Variants in SLC13A4 observed in about 807,000 individuals in gnomAD.
The protein encoded by SLC13A4 is solute carrier family 13 member 4.
SLC13A4 carries 28 observed loss-of-function variants against 72.7 expected under a neutral mutation model. The observed-to-expected ratio is 0.39, with a 90% confidence interval of 0.29 to 0.53. The LOEUF is 0.53. SLC13A4 is among the 20% of genes least tolerant of loss of function. The probability of loss-of-function intolerance (pLI) is 0.78; values close to 1 mark genes in which losing one functional copy is unlikely to be tolerated. For synonymous variants in SLC13A4, 312 were observed against 325.5 expected (o/e 0.96, Z 0.45); for missense variants, 653 against 788.0 (o/e 0.83, Z 2.05).
intron 8 of SLC13A4, among the ~76,000 whole-genome samples, chr7:135,696,370 A>G (rs748015935): frequency 1.3e-5 from 2 of 151,052 alleles, no homozygotes; most frequent in Admixed American, 1.3e-4. Context: ...TTTTTTTGAG[A>G]CGGAGTCTTG....
intron 7 of SLC13A4, 89 bp downstream of exon 7, chr7:135,701,591 T>G: frequency 7.6e-7 from 1 of 1,313,686 alleles, no homozygotes. Context: ...ACTAGCCTGA[T>G]TCCCTTACGA....
intron 2 of SLC13A4, among the ~76,000 whole-genome samples, chr7:135,715,465 ATGAG>A (rs1027558426): frequency 3.5e-5 from 5 of 144,858 alleles, no homozygotes; most frequent in African/African-American, 1.1e-4. Context: ...ATTAGTGCAT[ATGAG>A]TGTGTGTATG....
rs541801501 is a variant in SLC13A4 at position 135,699,630 on chromosome 7, A to G, written c.715-82T>C. The G allele has an allele frequency of 2.8e-5, 37 of 1,301,526 alleles. No individual in the cohort carries two copies. The East Asian group carries it at 9.1e-4, about 32-fold the overall frequency. The allele number at this position is 1,301,526 out of a possible 1,614,324, so 80.6% of individuals were successfully genotyped here. On this transcript the variant is annotated intron_variant, in intron 7 of 15. Coordinates refer to ENST00000682651, the MANE Select transcript of SLC13A4 (RefSeq NM_001318192.2). ...CATGAGAGGCAGGAGGCACCATGGTACAGCGGAAAGGGTTTGAGCTTGGGT... is the reference window on the plus strand; with the variant it reads ...CATGAGAGGCAGGAGGCACCATGGTGCAGCGGAAAGGGTTTGAGCTTGGGT...
chr7:135,718,070 T>TACAC (rs148088162), intron 2 of SLC13A4, among the ~76,000 whole-genome samples: 5,642 of 102,414 alleles, frequency 0.055, 384 homozygotes, highest in African/African-American at 0.19. Context: ...AGCCAATTCC[T>TACAC]ACACACACAC....
At position 135,684,243 on chromosome 7, in the gene SLC13A4, T is replaced by A; in HGVS notation, c.1627A>T (p.Asn543Tyr). 3 of 1,608,758 alleles carry A rather than the reference T, an allele frequency of 1.9e-6. No individual in the cohort carries two copies. The highest frequency in any genetic ancestry group is 2.5e-6 in the Non-Finnish European group (3 of 1,176,844). The part of the protein sequence containing the change: ...LCSLSETLHI[N>Y]PLYTLIPVTM... ...ACTGGGATCAGGGTGTAGAGGGGGT[T>A]AATGTGCAGCGTTTCAGACTAGAAG... The change falls in exon 15 of 16, where the codon AAC becomes TAC. Residue 543 changes from asparagine (N) to tyrosine (Y), a missense_variant. Asn to Tyr is a moderately radical substitution (Grantham distance 143). Transcript: ENST00000682651.
intron 2 of SLC13A4, among the ~76,000 whole-genome samples, chr7:135,715,218 TGTATATGTGA>T (rs1429405052): frequency 6.8e-5 from 10 of 147,416 alleles, no homozygotes; most frequent in African/African-American, 2.2e-4. Context: ...TGCATGAGTG[TGTATATGTGA>T]GTGTATGTGT....
intron 7 of SLC13A4, 66 bp from the exon 8 acceptor site, chr7:135,699,614 C>T (rs938577499): frequency 7.1e-7 from 1 of 1,413,906 alleles, no homozygotes; most frequent in African/African-American, 1.4e-5. Context: ...GCATGAGAGG[C>T]AGGAGGCACC....
chr7:135,725,783 C>A (rs1482424234), intron 1 of SLC13A4, among the ~76,000 whole-genome samples: 1 of 151,980 alleles, frequency 6.6e-6, no homozygotes, highest in South Asian at 2.1e-4. Flanking sequence ...CATAGTGAAA[C>A]CCCCATTTCT....
At chr7:135,701,592 T>G (rs1796036073) in intron 7 of SLC13A4, 88 bp downstream of exon 7, 1 of 1,319,770 alleles carries the variant, frequency 7.6e-7, no homozygotes, top group African/African-American at 1.5e-5. Flanking sequence ...CTAGCCTGAT[T>G]CCCTTACGAC....
At chr7:135,716,401 TTCAAGAGATTCTCTTGCC>T (rs1796435246) in intron 2 of SLC13A4, among the ~76,000 whole-genome samples, 1 of 152,164 alleles carries the variant, frequency 6.6e-6, no homozygotes, top group Admixed American at 6.6e-5. Flanking sequence ...GCCTCCTGGG[TTCAAGAGATTCTCTTGCC>T]TCATCCTCCT....
chr7:135,698,979 C>T (rs772970600), intron 8 of SLC13A4, among the ~76,000 whole-genome samples: 24 of 152,048 alleles, frequency 1.6e-4, no homozygotes, highest in Non-Finnish European at 1.9e-4. Context: ...CTTGCTCTAT[C>T]GCTCAGGCTC....
In SLC13A4 at chr7:135,699,581, C is replaced by T. The variant is rs752658666; in HGVS notation, c.715-33G>A. 7 of 1,556,304 alleles carry T rather than the reference C, an allele frequency of 4.5e-6. 1 individual carries two copies. The South Asian group carries it at 7.4e-5, about 17-fold the overall frequency. On this transcript the variant is annotated intron_variant, in intron 7 of 15. Transcript: ENST00000682651. ...AGGAAAATCAGCAAATCTGTCCAAC[C>T]CAGCTTGGGCTGTCTGGCCGAAGCA...
At chr7:135,682,534 G>A (rs117098952) in intron 15 of SLC13A4, among the ~76,000 whole-genome samples, 4,682 of 152,352 alleles carry the variant, frequency 0.031, 97 homozygotes, top group Middle Eastern at 0.088. Flanking sequence ...ATGGCTAGAC[G>A]TGTCCTCTCT....
At chr7:135,704,301 A>G (rs1796113408) in intron 5 of SLC13A4, 1 of 152,390 alleles carries the variant, frequency 6.6e-6, no homozygotes, top group Non-Finnish European at 1.5e-5. Context: ...GAGGCCCTGC[A>G]GAGGGCGCCA....
intron 15 of SLC13A4, among the ~76,000 whole-genome samples, chr7:135,682,605 C>T (rs933280305): frequency 2.0e-5 from 3 of 152,200 alleles, no homozygotes; most frequent in Admixed American, 6.5e-5. Context: ...CCATGTTTCC[C>T]CACAGGTGAG....
At chr7:135,693,583 T>C (rs1795838905) in intron 10 of SLC13A4, among the ~76,000 whole-genome samples, 1 of 152,220 alleles carries the variant, frequency 6.6e-6, no homozygotes, top group Admixed American at 6.5e-5. Context: ...TTATGCAAAG[T>C]TGTATGTGCC....
intron 10 of SLC13A4, chr7:135,693,283 C>T (rs1438294939): frequency 6.6e-6 from 1 of 152,092 alleles, no homozygotes; most frequent in East Asian, 1.9e-4. Context: ...TTGATAATCC[C>T]ATTTCCACAG....
intron 2 of SLC13A4, among the ~76,000 whole-genome samples, chr7:135,714,753 C>T (rs1037133037): frequency 4.6e-5 from 7 of 152,312 alleles, no homozygotes; most frequent in African/African-American, 1.7e-4. Flanking sequence ...AGGAATCTGG[C>T]GGGTCAGAAA....
At chr7:135,724,720 A>AT (rs766163947) in intron 1 of SLC13A4, among the ~76,000 whole-genome samples, 1 of 152,092 alleles carries the variant, frequency 6.6e-6, no homozygotes, top group Non-Finnish European at 1.5e-5. Context: ...AATTACTATC[A>AT]TTTTTTACCT....
Sources: allele counts gnomAD v4.1 joint callset (sites outside exome capture counted in the v4.1 genomes callset), GRCh38; gene constraint gnomAD v4.1.1; transcripts MANE v1.5; gene names NCBI Gene and HGNC (gene_info 2026-07-23, HGNC 2026-07-21).